Variants in DLG2 observed in about 807,000 individuals in gnomAD.
DLG2 encodes discs large MAGUK scaffold protein 2.
DLG2 carries 45 observed loss-of-function variants against 132.5 expected under a neutral mutation model. That is an observed-to-expected ratio of 0.34 (90% CI 0.27 to 0.44). The LOEUF is 0.44. Among genes scored for constraint, DLG2 ranks in the 20% least tolerant of loss-of-function variants. The pLI is 1.00. For missense variants in DLG2, 1,045 were observed against 1,196.9 expected, an observed-to-expected ratio of 0.87 and a Z score of 1.87; for synonymous variants, 424 against 419.6, an observed-to-expected ratio of 1.01 and a Z score of -0.13.
Position 85,087,966 on chromosome 11 carries a change from G to C in DLG2, c.357+23695C>G, listed in dbSNP as rs550047146. Among the ~76,000 whole-genome samples the C allele has an allele frequency of 1.0e-3, 158 of 151,900 alleles. 1 individual carries two copies. The highest frequency in any genetic ancestry group is 1.6e-3 in the Non-Finnish European group (108 of 67,958). On this transcript the variant is annotated intron_variant, in intron 6 of 27. Coordinates refer to ENST00000376104, the MANE Select transcript of DLG2 (RefSeq NM_001142699.3). ...TTAAAATGTTTTAAGAAAGGAAAAA[G>C]GGCAAGATTATTAGATTTATATTTT...
rs1227156897 is a variant in DLG2 at position 84,586,540 on chromosome 11, G to A, written c.358-51809C>T. 4.6e-5 allele frequency among the ~76,000 whole-genome samples: 7 copies of A among 152,224 alleles called. No individual in the cohort carries two copies. In the East Asian group the frequency reaches 1.2e-3, roughly 25 times the overall value. The stretch of plus-strand genomic sequence containing the variant: ...TCTGTCTCATCAAATGGCATATTAG[G>A]TGGACTTTAAAAATCATTTAAATGT... On this transcript the variant is annotated intron_variant, in intron 6 of 27. Transcript: ENST00000376104.
chr11:84,296,512 C>T (rs1324111781), intron 7 of DLG2, among the ~76,000 whole-genome samples: 1 of 152,134 alleles, frequency 6.6e-6, no homozygotes, highest in Non-Finnish European at 1.5e-5. Context: ...AATCACGGCT[C>T]ACTGCAGCCT....
chr11:83,948,548 A>G (rs1473494323), intron 14 of DLG2, among the ~76,000 whole-genome samples: 44 of 152,008 alleles, frequency 2.9e-4, no homozygotes, highest in Non-Finnish European at 2.9e-5. Context: ...AAAAACCAAG[A>G]CTAGCTTGAA....
chr11:84,656,438 T>C (rs2099688380), intron 6 of DLG2, among the ~76,000 whole-genome samples: 1 of 152,140 alleles, frequency 6.6e-6, no homozygotes, highest in South Asian at 2.1e-4. Context: ...ACTGAAATTT[T>C]AGAAAAACTT....
intron 4 of DLG2, among the ~76,000 whole-genome samples, chr11:85,168,758 G>A (rs531393893): frequency 6.6e-6 from 1 of 152,104 alleles, no homozygotes; most frequent in East Asian, 1.9e-4. Context: ...CCTTTCACAT[G>A]CATTTCCAGC....
intron 6 of DLG2, among the ~76,000 whole-genome samples, chr11:84,842,676 T>C (rs1407179097): frequency 6.6e-6 from 1 of 151,828 alleles, no homozygotes; most frequent in African/African-American, 2.4e-5. Context: ...TTGTGCGTAG[T>C]AGTAGGAGGA....
At chr11:83,518,556 C>T (rs939769149) in intron 21 of DLG2, among the ~76,000 whole-genome samples, 2 of 152,304 alleles carry the variant, frequency 1.3e-5, no homozygotes, top group South Asian at 4.1e-4. Context: ...ATCCGACAAT[C>T]CCCAGTGAGA....
rs538058664 is a variant in DLG2 at position 84,272,828 on chromosome 11, A to T, written c.520-21537T>A. 5.9e-5 allele frequency among the ~76,000 whole-genome samples: 9 copies of T among 152,286 alleles called. No individual in the cohort carries two copies. In the South Asian group the frequency reaches 1.9e-3, roughly 32 times the overall value. ...GAACCAATGGGGAAATAAACATTGC[A>T]GTTTATTTCAAACATTAATATATGG... On this transcript the variant is annotated intron_variant, in intron 7 of 27. Coordinates refer to ENST00000376104, the MANE Select transcript of DLG2 (RefSeq NM_001142699.3).
At chr11:85,125,451 A>C (rs2074974046) in intron 5 of DLG2, among the ~76,000 whole-genome samples, 1 of 152,208 alleles carries the variant, frequency 6.6e-6, no homozygotes, top group South Asian at 2.1e-4. Context: ...GACTATGGAT[A>C]TATGTCTGAA....
At chr11:85,477,936 G>C (rs151211320) in intron 3 of DLG2, among the ~76,000 whole-genome samples, 63 of 152,160 alleles carry the variant, frequency 4.1e-4, no homozygotes, top group African/African-American at 1.5e-3. Context: ...CATTAAGACA[G>C]GTAGAAATAT....
chr11:85,486,544 C>T (rs2093433605), intron 3 of DLG2, among the ~76,000 whole-genome samples: 1 of 152,146 alleles, frequency 6.6e-6, no homozygotes, highest in African/African-American at 2.4e-5. Flanking sequence ...CAGTCTACCA[C>T]CATTGGCACC....
intron 4 of DLG2, among the ~76,000 whole-genome samples, chr11:85,201,283 A>T (rs2081438565): frequency 6.6e-6 from 1 of 152,166 alleles, no homozygotes; most frequent in Non-Finnish European, 1.5e-5. Context: ...AGCCAATGAA[A>T]CAGTCTCACC....
chr11:84,688,444 G>GA (rs35150369), intron 6 of DLG2, among the ~76,000 whole-genome samples: 20 of 152,220 alleles, frequency 1.3e-4, no homozygotes, highest in Admixed American at 2.6e-4. Context: ...ATTCAGTTAT[G>GA]AAAAAAATAC....
chr11:83,475,539 A>G (rs2092523426), intron 22 of DLG2, among the ~76,000 whole-genome samples: 1 of 133,408 alleles, frequency 7.5e-6, no homozygotes, highest in Admixed American at 7.9e-5. Flanking sequence ...GTCTTGAAAC[A>G]GTGAGAGAAG....
intron 7 of DLG2, among the ~76,000 whole-genome samples, chr11:84,433,140 A>T (rs2098989876): frequency 6.6e-6 from 1 of 152,232 alleles, no homozygotes; most frequent in Non-Finnish European, 1.5e-5. Context: ...TGTCTGTTAG[A>T]TTATGAATAT....
At chr11:84,307,695 C>CAAAAAAAAAAAAAAAA (rs1222486667) in intron 7 of DLG2, among the ~76,000 whole-genome samples, 109 of 77,960 alleles carry the variant, frequency 1.4e-3, no homozygotes, top group South Asian at 5.3e-3. Flanking sequence ...GACGCAGTCT[C>CAAAAAAAAAAAAAAAA]AAAAAAAAAA....
At chr11:85,166,924 A>G (rs1246087589) in intron 4 of DLG2, among the ~76,000 whole-genome samples, 1 of 152,188 alleles carries the variant, frequency 6.6e-6, no homozygotes, top group East Asian at 1.9e-4. Context: ...ATATAAAAGA[A>G]TATTATAATA....
intron 9 of DLG2, among the ~76,000 whole-genome samples, chr11:84,106,843 TTGAG>T (rs1403463509): frequency 1.3e-5 from 1 of 78,910 alleles, no homozygotes; most frequent in African/African-American, 4.6e-5. Flanking sequence ...GTGTGTGTGT[TTGAG>T]TGAGTGTGTG....
intron 8 of DLG2, among the ~76,000 whole-genome samples, chr11:84,247,959 C>G (rs903260216): frequency 6.6e-6 from 1 of 152,136 alleles, no homozygotes; most frequent in Admixed American, 6.6e-5. Flanking sequence ...AGGAAATGTT[C>G]TTACGCAACA....
Sources: gnomAD v4.1 joint callset for allele counts (sites outside exome capture counted in the v4.1 genomes callset) on GRCh38, gnomAD v4.1.1 for gene constraint, MANE v1.5 for transcripts, NCBI Gene and HGNC (gene_info 2026-07-23, HGNC 2026-07-21) for gene names.